Variants in OTC observed in about 807,000 individuals in gnomAD.
The protein encoded by OTC is ornithine transcarbamylase, mitochondrial.
In OTC, 3 loss-of-function variants were observed where a neutral mutation model predicts 30.3. The ratio of observed to expected loss-of-function variants is 0.10; its 90% confidence interval spans 0.05 to 0.26. The LOEUF is 0.26. OTC is among the 10% of genes least tolerant of loss of function. OTC has a pLI of 1.00. For missense variants in OTC, 194 were observed against 260.3 expected (o/e 0.75, Z 1.75); for synonymous variants, 111 against 99.7 (o/e 1.11, Z -0.67).
chrX:38,353,864 A>G (rs1002467148), intron 1 of OTC, among the ~76,000 whole-genome samples: 14 of 112,065 alleles, frequency 1.2e-4, no homozygotes, highest in South Asian at 1.1e-3. Flanking sequence ...CAAATATTCA[A>G]TTGAAATTGT....
chrX:38,400,467 C>T (rs1162720860), intron 4 of OTC, among the ~76,000 whole-genome samples: 1 of 111,100 alleles, frequency 9.0e-6, no homozygotes, highest in African/African-American at 3.3e-5. Context: ...ATTGAGGGAA[C>T]CACCAAGAAA....
upstream of OTC, among the ~76,000 whole-genome samples, chrX:38,349,470 T>C (rs990369221): frequency 6.3e-5 from 7 of 111,770 alleles, no homozygotes; most frequent in East Asian, 1.7e-3. Flanking sequence ...ATCACAGGAG[T>C]GGGTTTGTTA....
chrX:38,331,731 C>T, the OTC span, among the ~76,000 whole-genome samples: 1 of 107,678 alleles, frequency 9.3e-6, no homozygotes, highest in Non-Finnish European at 1.9e-5. Context: ...CACAGGTACA[C>T]ACCACCACAC....
intron 4 of OTC, among the ~76,000 whole-genome samples, chrX:38,392,025 C>T (rs1218569662): frequency 8.9e-6 from 1 of 112,029 alleles, no homozygotes; most frequent in African/African-American, 3.2e-5. Context: ...CATGCCGTGC[C>T]TTTCCTTTTT....
upstream of OTC, among the ~76,000 whole-genome samples, chrX:38,350,975 G>T (rs766133089): frequency 3.6e-5 from 4 of 111,928 alleles, no homozygotes; most frequent in East Asian, 1.1e-3. Context: ...GAGCGCTTTT[G>T]CTCTCTGAAA....
chrX:38,392,155 A>T (rs1040089716), intron 4 of OTC, among the ~76,000 whole-genome samples: 2 of 112,269 alleles, frequency 1.8e-5, no homozygotes, highest in African/African-American at 6.5e-5. Flanking sequence ...ATTGGCCATT[A>T]AACTTCCAGG....
At chrX:38,357,124 C>A (rs920777722) in intron 1 of OTC, among the ~76,000 whole-genome samples, 2 of 111,564 alleles carry the variant, frequency 1.8e-5, no homozygotes, top group African/African-American at 6.5e-5. Context: ...TCGCTAATTT[C>A]GTTCACTTTA....
chrX:38,378,938 G>A (rs1463556689), intron 3 of OTC, among the ~76,000 whole-genome samples: 1 of 111,518 alleles, frequency 9.0e-6, no homozygotes, highest in Non-Finnish European at 1.9e-5. Flanking sequence ...ATTCCCATGC[G>A]CAAGGTAGGG....
At chrX:38,352,521 C>T, upstream of OTC, 1 of 456,403 alleles carries the variant, frequency 2.2e-6, no homozygotes, top group East Asian at 3.9e-5. Context: ...TGCTCCTACA[C>T]CCTGCCCTGC....
the OTC span, among the ~76,000 whole-genome samples, chrX:38,347,576 A>G: frequency 8.9e-6 from 1 of 112,325 alleles, no homozygotes; most frequent in African/African-American, 3.2e-5. Context: ...TATTTATGTA[A>G]CTAGTAACAC....
intron 3 of OTC, among the ~76,000 whole-genome samples, chrX:38,375,212 T>A (rs1489322706): frequency 8.9e-6 from 1 of 111,953 alleles, no homozygotes; most frequent in African/African-American, 3.2e-5. Flanking sequence ...AATAAGTGGA[T>A]GATACAGTAT....
intron 2 of OTC, among the ~76,000 whole-genome samples, chrX:38,368,924 A>G (rs1367422574): frequency 9.2e-6 from 1 of 108,304 alleles, no homozygotes; most frequent in African/African-American, 3.4e-5. Flanking sequence ...AAGCCCATCT[A>G]CAGAAGAGGA....
chrX:38,415,142 G>A (rs2068563955), intron 9 of OTC, among the ~76,000 whole-genome samples: 1 of 110,028 alleles, frequency 9.1e-6, no homozygotes, highest in Non-Finnish European at 1.9e-5. Flanking sequence ...ACAATGGCAC[G>A]ATCTCGGCTC....
intron 3 of OTC, among the ~76,000 whole-genome samples, chrX:38,379,262 A>G (rs17144933): frequency 0.052 from 5,811 of 111,589 alleles, 377 homozygotes; most frequent in African/African-American, 0.18. Context: ...TGTAGATCAC[A>G]CTTTGAGCTG....
upstream of OTC, among the ~76,000 whole-genome samples, chrX:38,350,938 C>T (rs764786912): frequency 4.5e-5 from 5 of 112,008 alleles, no homozygotes; most frequent in South Asian, 3.7e-4. Flanking sequence ...TCCATGCAAA[C>T]GTTCAATTTC....
chrX:38,367,183 AAAAAAG>A lies in OTC; in HGVS notation c.78-103_78-98del. 3 of 710,874 alleles carry A rather than the reference AAAAAAG, an allele frequency of 4.2e-6. No individual in the cohort carries two copies. The African/African-American group carries it at 6.6e-5, about 16-fold the overall frequency. 58.6% of individuals were successfully genotyped at this position (710,874 alleles called of 1,213,427 possible). A position where few individuals can be genotyped will look rare whatever the true frequency, so the allele number is the denominator to read the frequency against. ...GAGTGAGAACCTGTCTCAAAAAAAA[AAAAAAG>A]AAAAGAAAAGAATGCCTTATCAACA... On this transcript the variant is annotated intron_variant, in intron 1 of 9. Coordinates refer to ENST00000039007, the MANE Select transcript of OTC (RefSeq NM_000531.6).
At chrX:38,372,707 G>T (rs1213492180) in intron 3 of OTC, among the ~76,000 whole-genome samples, 2 of 112,868 alleles carry the variant, frequency 1.8e-5, no homozygotes, top group African/African-American at 6.4e-5. Context: ...AAAGCGAGTA[G>T]CTGTCTTAAT....
At chrX:38,350,410 A>G (rs1465378046), upstream of OTC, among the ~76,000 whole-genome samples, 1 of 111,985 alleles carries the variant, frequency 8.9e-6, no homozygotes, top group Non-Finnish European at 1.9e-5. Context: ...AGAACTAGAT[A>G]GGTAGTGAAA....
At chrX:38,398,067 A>G (rs2068465869) in intron 4 of OTC, among the ~76,000 whole-genome samples, 2 of 112,154 alleles carry the variant, frequency 1.8e-5, no homozygotes, top group Non-Finnish European at 3.8e-5. Flanking sequence ...AAACAGAAAA[A>G]TTAAATGCAT....
Sources: gnomAD v4.1 joint callset for allele counts (sites outside exome capture counted in the v4.1 genomes callset) on GRCh38, gnomAD v4.1.1 for gene constraint, MANE v1.5 for transcripts, NCBI Gene and HGNC (gene_info 2026-07-23, HGNC 2026-07-21) for gene names.